Variants in SMARCA4 observed in about 807,000 individuals in gnomAD.
SMARCA4 encodes SWI/SNF-related matrix-associated actin-dependent regulator of chromatin subfamily A member 4.
In SMARCA4, 31 loss-of-function variants were observed where a neutral mutation model predicts 193.9. The ratio of observed to expected loss-of-function variants is 0.16; its 90% confidence interval spans 0.12 to 0.22. SMARCA4 has a LOEUF of 0.22. Among genes scored for constraint, SMARCA4 ranks in the 10% least tolerant of loss-of-function variants. The probability of loss-of-function intolerance (pLI) is 1.00; values close to 1 mark genes in which losing one functional copy is unlikely to be tolerated. For synonymous variants in SMARCA4, 942 were observed against 933.1 expected, an observed-to-expected ratio of 1.01 and a Z score of -0.17; for missense variants, 1,148 against 2,296.0, an observed-to-expected ratio of 0.50 and a Z score of 10.22.
At position 11,021,649 on chromosome 19, in the gene SMARCA4, G is replaced by A. The variant is rs555117406; in HGVS notation, c.2617-76G>A. 381 of 1,530,936 alleles carry A rather than the reference G, an allele frequency of 2.5e-4. 1 individual carries two copies. In the Middle Eastern group the frequency reaches 3.4e-3, roughly 13 times the overall value. The allele number at this position is 1,530,936 out of a possible 1,614,324, so 94.8% of individuals were successfully genotyped here. A position where few individuals can be genotyped will look rare whatever the true frequency, so the allele number is the denominator to read the frequency against. On this transcript the variant is annotated intron_variant, in intron 18 of 34. Transcript: ENST00000344626. The stretch of plus-strand genomic sequence containing the variant: ...CCTGGAGCCTTCCTGGCTGCTGGGC[G>A]CAGAGTGGGAGATTCTCCCCATGTG...
chr19:11,023,452 C>G, intron 19 of SMARCA4, 66 bp from the exon 20 acceptor site: 2 of 1,030,198 alleles, frequency 1.9e-6, no homozygotes. Context: ...TCCGCACCTT[C>G]TAGTGAGACC....
intron 1 of SMARCA4, among the ~76,000 whole-genome samples, chr19:10,982,351 G>A (rs1336709933): frequency 6.6e-6 from 1 of 151,710 alleles, no homozygotes; most frequent in African/African-American, 2.4e-5. Flanking sequence ...GTGTGTGCTT[G>A]TAATCCCAAC....
rs902615711 is a variant in SMARCA4 at position 10,984,962 on chromosome 19, C to T, written c.223-311C>T. On this transcript the variant is annotated intron_variant, in intron 2 of 34. Transcript: ENST00000344626. The surrounding 1 kb of genome is among the most constrained non-coding windows in gnomAD (Gnocchi z 4.3). ...CTGAAAGGAAAGGTCATATTAGCAT[C>T]CATGAGAAAAGGTGACATTTCTAAG... 3.3e-5 allele frequency among the ~76,000 whole-genome samples: 5 copies of T among 152,158 alleles called. No homozygotes were observed. The highest frequency in any genetic ancestry group is 1.2e-4 in the African/African-American group (5 of 41,426).
chr19:10,988,995 C>T (rs1014026262), intron 6 of SMARCA4, among the ~76,000 whole-genome samples: 6 of 152,212 alleles, frequency 3.9e-5, no homozygotes, highest in South Asian at 4.1e-4. Context: ...AGATTCCCAC[C>T]GCCCTGCGCC....
intron 34 of SMARCA4, 179 bp from the exon 35 acceptor site, chr19:11,061,605 T>A (rs1009056062): frequency 1.2e-5 from 8 of 678,586 alleles, no homozygotes; most frequent in Admixed American, 2.1e-5. Context: ...CTCGATCTCC[T>A]GACCTCGTGA....
At chr19:11,036,891 A>G (rs1022498656) in intron 29 of SMARCA4, among the ~76,000 whole-genome samples, 3 of 152,218 alleles carry the variant, frequency 2.0e-5, no homozygotes, top group Non-Finnish European at 4.4e-5. Context: ...GTGGAGTCCT[A>G]CAGCGTGGGA....
At chr19:11,023,043 A>G (rs76658606) in intron 19 of SMARCA4, among the ~76,000 whole-genome samples, 8,739 of 152,092 alleles carry the variant, frequency 0.057, 806 homozygotes, top group African/African-American at 0.18. Flanking sequence ...GGTTTCTTTC[A>G]CCTGGTTCCA....
Position 11,024,384 on chromosome 19 carries a change from C to T in SMARCA4, c.3027C>T (p.Arg1009=), listed in dbSNP as rs753389473. 6 of 1,613,218 alleles carry T rather than the reference C, an allele frequency of 3.7e-6. No homozygotes were observed. In the Admixed American group the frequency reaches 1.0e-4, roughly 27 times the overall value. ...DMSALQRVLY[R]HMQAKGVLLT... ...CTGCGCTGCAGCGAGTGCTCTACCG[C>T]CACATGCAGGCCAAGGGCGTGCTGC... Residue 1009 remains arginine (R), a synonymous_variant, in exon 21 of 35, where the codon CGC becomes CGT. Transcript: ENST00000344626.
intron 30 of SMARCA4, among the ~76,000 whole-genome samples, chr19:11,056,748 G>C: frequency 6.6e-6 from 1 of 152,192 alleles, no homozygotes; most frequent in East Asian, 1.9e-4. Context: ...CAGGGGCTTC[G>C]TGATGCACAC....
At chr19:10,969,081 G>C (rs2084469315) in intron 1 of SMARCA4, among the ~76,000 whole-genome samples, 1 of 152,146 alleles carries the variant, frequency 6.6e-6, no homozygotes, top group Admixed American at 6.6e-5. Context: ...CTTGAGGCGG[G>C]ATTCTGTTCT....
rs374635008 is a variant in SMARCA4, at chr19:10,991,332, C to T, written c.1419+9C>T. 1.6e-3 allele frequency: 2,470 copies of T among 1,582,382 alleles called. 3 individuals carry two copies. The highest frequency in any genetic ancestry group is 1.9e-3 in the Non-Finnish European group (2,244 of 1,165,026). On this transcript the variant is annotated intron_variant, in intron 8 of 34. Transcript: ENST00000344626. Reference sequence around the variant, plus strand: ...GCCGGCAGAAGCACCAGGTACGCTCCGGTGGCCCCAAGGCCCTGCAGCCCG... The same window carrying T: ...GCCGGCAGAAGCACCAGGTACGCTCTGGTGGCCCCAAGGCCCTGCAGCCCG...
At chr19:11,008,181 C>A in intron 14 of SMARCA4, 158 bp downstream of exon 14, 3 of 712,860 alleles carry the variant, frequency 4.2e-6, no homozygotes, top group African/African-American at 1.8e-5. Flanking sequence ...CTTCACATTT[C>A]ATGTATTTTA....
intron 19 of SMARCA4, among the ~76,000 whole-genome samples, chr19:11,022,805 T>G (rs954902679): frequency 6.6e-6 from 1 of 151,998 alleles, no homozygotes; most frequent in Non-Finnish European, 1.5e-5. Flanking sequence ...CAAAGCCTCG[T>G]GATAAAGGAG....
intron 11 of SMARCA4, among the ~76,000 whole-genome samples, chr19:10,997,060 C>T (rs1249073363): frequency 6.6e-6 from 1 of 151,624 alleles, no homozygotes; most frequent in Admixed American, 6.6e-5. Flanking sequence ...TGCTCTTTTG[C>T]CCAGGCTAGA....
intron 1 of SMARCA4, among the ~76,000 whole-genome samples, chr19:10,961,956 G>T (rs1441358844): frequency 2.7e-5 from 4 of 149,570 alleles, no homozygotes; most frequent in East Asian, 3.9e-4. Context: ...TCCCGATCTT[G>T]AAGATACCAG....
chr19:10,968,774 T>A (rs2084440808), intron 1 of SMARCA4, among the ~76,000 whole-genome samples: 1 of 152,170 alleles, frequency 6.6e-6, no homozygotes, highest in East Asian at 1.9e-4. Flanking sequence ...GAGGGTCTGC[T>A]GTGTGCGACC....
In SMARCA4 at chr19:11,030,976, C is replaced by T. The variant is rs2146607546; in HGVS notation, c.3546+83C>T. 1 of 1,227,284 alleles carries T rather than the reference C, an allele frequency of 8.1e-7. No homozygotes were observed. Among genetic ancestry groups the T allele is most frequent in the Non-Finnish European group, 1.2e-6 (1 of 860,096 alleles). 76.0% of individuals were successfully genotyped at this position (1,227,284 alleles called of 1,614,324 possible). On this transcript the variant is annotated intron_variant, in intron 25 of 34. Coordinates refer to ENST00000344626, the MANE Select transcript of SMARCA4 (RefSeq NM_003072.5). This position sits in a 1 kb window ranked among gnomAD's most constrained non-coding sequence, Gnocchi z 5.5. ...GAGGAGACGGCCCTGGCTTGAGGGT[C>T]CTCCAGCCTCCTCCACATTGTCTTG...
intron 7 of SMARCA4, among the ~76,000 whole-genome samples, 184 bp from the exon 8 acceptor site, chr19:10,990,966 T>C (rs1291208236): frequency 6.6e-6 from 1 of 152,234 alleles, no homozygotes. Flanking sequence ...AGTGATCACC[T>C]TCTGTCCTGT....
At chr19:11,010,609 C>T in intron 15 of SMARCA4, 78 bp downstream of exon 15, 1 of 1,400,286 alleles carries the variant, frequency 7.1e-7, no homozygotes, top group Non-Finnish European at 1.0e-6. Context: ...GGCTTCAGAC[C>T]TCAGGCAGAC....
Sources: allele counts gnomAD v4.1 joint callset (sites outside exome capture counted in the v4.1 genomes callset), GRCh38; gene constraint gnomAD v4.1.1; non-coding constraint Gnocchi (gnomAD v3.1); transcripts MANE v1.5; gene names NCBI Gene and HGNC (gene_info 2026-07-23, HGNC 2026-07-21).